The following ANKFN1 variants were observed in gnomAD, a reference collection of about 807,000 sequenced individuals.
ANKFN1 encodes ankyrin repeat and fibronectin type III domain containing 1.
In ANKFN1, 74 loss-of-function variants were observed where a neutral mutation model predicts 108.7. That is an observed-to-expected ratio of 0.68 (90% CI 0.56 to 0.83). The LOEUF (loss-of-function observed/expected upper bound fraction) is 0.83. ANKFN1 is among the 40% of genes least tolerant of loss of function. The pLI, the probability that ANKFN1 is intolerant of heterozygous loss-of-function variation, is 0.00. For synonymous variants in ANKFN1, 547 were observed against 516.2 expected, an observed-to-expected ratio of 1.06 and a Z score of -0.81; for missense variants, 1,505 against 1,382.3, an observed-to-expected ratio of 1.09 and a Z score of -1.41.
At chr17:56,196,112 A>G (rs1363229378) in intron 1 of ANKFN1, among the ~76,000 whole-genome samples, 6 of 152,128 alleles carry the variant, frequency 3.9e-5, no homozygotes, top group African/African-American at 1.2e-4. Context: ...GCAAAACAAT[A>G]CAAAAATTAA....
At chr17:56,189,621 C>A (rs1271704217) in intron 1 of ANKFN1, among the ~76,000 whole-genome samples, 1 of 152,096 alleles carries the variant, frequency 6.6e-6, no homozygotes, top group African/African-American at 2.4e-5. Flanking sequence ...TGGGACTGAA[C>A]CCTTTAACTG....
At chr17:56,290,143 C>T (rs913425077) in intron 3 of ANKFN1, among the ~76,000 whole-genome samples, 1 of 152,110 alleles carries the variant, frequency 6.6e-6, no homozygotes, top group African/African-American at 2.4e-5. Context: ...ATTCTGTTTT[C>T]CTCTGCTCAT....
chr17:56,293,859 C>A (rs1246490706), intron 3 of ANKFN1, among the ~76,000 whole-genome samples: 1 of 152,130 alleles, frequency 6.6e-6, no homozygotes, highest in Non-Finnish European at 1.5e-5. Context: ...CTCTTATAGT[C>A]CCAGCACCTC....
intron 1 of ANKFN1, among the ~76,000 whole-genome samples, chr17:56,167,296 T>C (rs201302865): frequency 5.0e-5 from 5 of 99,232 alleles, no homozygotes; most frequent in Non-Finnish European, 7.6e-5. Flanking sequence ...TACACACACA[T>C]ACATATATAC....
intron 6 of ANKFN1, chr17:56,368,130 C>A: frequency 7.8e-7 from 1 of 1,275,858 alleles, no homozygotes; most frequent in Non-Finnish European, 1.1e-6. Flanking sequence ...TGAGCCTGAT[C>A]ACTATAAATA....
chr17:56,102,540 C>G (rs1905666957), intron 4 of ANKFN1, among the ~76,000 whole-genome samples: 1 of 152,008 alleles, frequency 6.6e-6, no homozygotes, highest in East Asian at 1.9e-4. Flanking sequence ...CATTCCCTGA[C>G]AGTGTCATAT....
chr17:56,253,160 A>G (rs1308837448), intron 3 of ANKFN1, among the ~76,000 whole-genome samples: 4 of 152,158 alleles, frequency 2.6e-5, no homozygotes, highest in Admixed American at 2.6e-4. Context: ...ATGCACTGAA[A>G]AAGTTCTACA....
intron 4 of ANKFN1, among the ~76,000 whole-genome samples, chr17:56,130,543 A>G (rs993442027): frequency 3.3e-5 from 5 of 151,946 alleles, no homozygotes; most frequent in Non-Finnish European, 7.4e-5. Flanking sequence ...TCCCTTATAA[A>G]TATTTATACT....
chr17:56,510,725 G>A lies in ANKFN1; in HGVS notation c.2897G>A (p.Cys966Tyr). ...QGEGPNPDHSCAEFLHSLTLT... is the reference protein window; with the variant it reads ...QGEGPNPDHSYAEFLHSLTLT... ...GAGGGCCCAAATCCCGATCACTCAT[G>A]TGCCGAGTTTCTCCATAGCCTGACC... The change falls in exon 21 of 21, where the codon TGT (cysteine) becomes TAT (tyrosine). Residue 966 changes from cysteine (C) to tyrosine (Y), a missense_variant. Transcript: ENST00000682825. The A allele has an allele frequency of 6.5e-7, 1 of 1,536,150 alleles. No homozygotes were observed. The highest frequency in any genetic ancestry group is 8.7e-7 in the Non-Finnish European group (1 of 1,146,910).
chr17:56,150,064 A>G (rs1908506002), upstream of ANKFN1, among the ~76,000 whole-genome samples: 2 of 152,128 alleles, frequency 1.3e-5, no homozygotes, highest in Admixed American at 1.3e-4. Context: ...CTGTTACCCT[A>G]AGAATATTTC....
At chr17:56,369,768 A>G (rs1168489498) in intron 6 of ANKFN1, among the ~76,000 whole-genome samples, 1 of 152,210 alleles carries the variant, frequency 6.6e-6, no homozygotes, top group Non-Finnish European at 1.5e-5. Flanking sequence ...GAAAAAATAA[A>G]TAAAAGTTTG....
chr17:56,504,031 G>A (rs1244582541), intron 20 of ANKFN1, among the ~76,000 whole-genome samples: 1 of 152,220 alleles, frequency 6.6e-6, no homozygotes, highest in Non-Finnish European at 1.5e-5. Flanking sequence ...GAGCAGCAGT[G>A]GCCTAAGTCC....
At position 56,350,816 on chromosome 17, in the gene ANKFN1, A is replaced by T; in HGVS notation, c.239A>T (p.Gln80Leu). The T allele has an allele frequency of 6.2e-7, 1 of 1,613,836 alleles. No individual in the cohort carries two copies. The highest frequency in any genetic ancestry group is 8.5e-7 in the Non-Finnish European group (1 of 1,179,844). Residue 80 changes from glutamine (Q) to leucine (L), a missense_variant, in exon 5 of 21, where the codon CAG (glutamine) becomes CTG (leucine). Physicochemically the swap from Gln to Leu is moderately radical, Grantham distance 113. Coordinates refer to ENST00000682825, the MANE Select transcript of ANKFN1 (RefSeq NM_001370326.1). Reference protein sequence around the residue: ...TQQMQNLHLCQSKKHSAPSSP... With the variant: ...TQQMQNLHLCLSKKHSAPSSP... ...CAAATGCAAAATTTACATCTCTGTC[A>T]GTCAAAAAAACATAGTGCTCCCTCA...
intron 1 of ANKFN1, among the ~76,000 whole-genome samples, chr17:56,157,393 A>G (rs1909214739): frequency 6.6e-6 from 1 of 152,228 alleles, no homozygotes; most frequent in Non-Finnish European, 1.5e-5. Context: ...GGACACACCT[A>G]TCAGGGATTA....
chr17:56,180,309 G>A (rs1911568314), intron 1 of ANKFN1, among the ~76,000 whole-genome samples: 1 of 152,154 alleles, frequency 6.6e-6, no homozygotes, highest in Non-Finnish European at 1.5e-5. Context: ...TGCTAGGCGT[G>A]TCAGCGTGTC....
Position 56,353,872 on chromosome 17 carries a change from G to A in ANKFN1, c.427G>A (p.Glu143Lys), listed in dbSNP as rs555939322. 61 of 1,613,808 alleles carry A rather than the reference G, an allele frequency of 3.8e-5. No homozygotes were observed. Among genetic ancestry groups the A allele is most frequent in the Non-Finnish European group, 4.9e-5 (58 of 1,179,958 alleles). ...QGNEAMFEAV[E>K]QQDMDAVQIL... ...CAATGAAGCCATGTTTGAGGCAGTCGAACAGCAGGACATGGATGCTGTGCA... is the reference window on the plus strand; with the variant it reads ...CAATGAAGCCATGTTTGAGGCAGTCAAACAGCAGGACATGGATGCTGTGCA... The change falls in exon 6 of 21, where the codon GAA becomes AAA. Residue 143 changes from glutamate (E) to lysine (K), a missense_variant. Glu to Lys is a moderately conservative substitution (Grantham distance 56). Coordinates refer to ENST00000682825, the MANE Select transcript of ANKFN1 (RefSeq NM_001370326.1).
At chr17:56,087,365 T>G (rs1333117869) in intron 4 of ANKFN1, among the ~76,000 whole-genome samples, 1 of 151,406 alleles carries the variant, frequency 6.6e-6, no homozygotes, top group East Asian at 1.9e-4. Context: ...ATGCCTCACC[T>G]GACCTTGGAA....
intron 4 of ANKFN1, among the ~76,000 whole-genome samples, chr17:56,113,758 A>G (rs1906106766): frequency 6.6e-6 from 1 of 152,184 alleles, no homozygotes; most frequent in South Asian, 2.1e-4. Context: ...TTGTTATCAT[A>G]AGTCAAATAG....
chr17:56,188,803 ATGAGGCAACTCT>A (rs2143676225), intron 1 of ANKFN1, among the ~76,000 whole-genome samples: 1 of 151,614 alleles, frequency 6.6e-6, no homozygotes, highest in Admixed American at 6.6e-5. Flanking sequence ...TTTTGCCCTA[ATGAGGCAACTCT>A]TGATGAGCTC....
Sources: gnomAD v4.1 joint callset for allele counts (sites outside exome capture counted in the v4.1 genomes callset) on GRCh38, gnomAD v4.1.1 for gene constraint, MANE v1.5 for transcripts, NCBI Gene and HGNC (gene_info 2026-07-23, HGNC 2026-07-21) for gene names.